The following RNF34 variants were observed in gnomAD, a reference collection of about 807,000 sequenced individuals.
RNF34 encodes E3 ubiquitin-protein ligase RNF34.
In RNF34, 12 loss-of-function variants were observed where a neutral mutation model predicts 37.9. The observed-to-expected ratio is 0.32, with a 90% CI of 0.20 to 0.51. The LOEUF is 0.51. Ranked by LOEUF, RNF34 falls within the 20% of genes least tolerant of loss-of-function variation. RNF34 has a pLI of 0.97. For missense variants in RNF34, 362 were observed against 472.7 expected (o/e 0.77, Z 2.17); for synonymous variants, 155 against 177.2 (o/e 0.87, Z 1.00).
chr12:121,402,113 T>A (rs1476844932), intron 1 of RNF34, among the ~76,000 whole-genome samples: 1 of 152,190 alleles, frequency 6.6e-6, no homozygotes, highest in Non-Finnish European at 1.5e-5. Flanking sequence ...AATACTTCTT[T>A]CTGTGGAATT....
At chr12:121,411,965 C>A (rs1203414199) in intron 1 of RNF34, among the ~76,000 whole-genome samples, 2 of 152,178 alleles carry the variant, frequency 1.3e-5, no homozygotes, top group East Asian at 3.8e-4. Flanking sequence ...ATGTAACGTG[C>A]AAACTAAATT....
chr12:121,416,433 AG>A, intron 2 of RNF34, 56 bp downstream of exon 2: 1 of 1,202,186 alleles, frequency 8.3e-7, no homozygotes, highest in Non-Finnish European at 1.2e-6. Context: ...TCTTGATTGT[AG>A]GTTATTTTGA....
At chr12:121,415,523 G>A (rs1216357934) in intron 1 of RNF34, among the ~76,000 whole-genome samples, 3 of 152,132 alleles carry the variant, frequency 2.0e-5, no homozygotes, top group Non-Finnish European at 2.9e-5. Context: ...GGCTGAGGCA[G>A]GAGAATCGCT....
chr12:121,403,570 G>GT, intron 1 of RNF34, among the ~76,000 whole-genome samples: 1 of 152,024 alleles, frequency 6.6e-6, no homozygotes, highest in Non-Finnish European at 1.5e-5. Context: ...TTTTCCTGTC[G>GT]TTTAACACAG....
chr12:121,402,623 A>G, intron 1 of RNF34: 1 of 566,504 alleles, frequency 1.8e-6, no homozygotes, highest in African/African-American at 1.9e-5. Context: ...ATTTTTCCTT[A>G]TTTATATTGA....
At chr12:121,407,058 G>C (rs1870612711) in intron 1 of RNF34, among the ~76,000 whole-genome samples, 1 of 152,022 alleles carries the variant, frequency 6.6e-6, no homozygotes, top group South Asian at 2.1e-4. Context: ...TTCACCCCTT[G>C]TTCCTTTCCT....
chr12:121,417,861 G>A lies in RNF34; in HGVS notation c.583G>A (p.Gly195Arg), dbSNP rs1555282526. The A allele has an allele frequency of 1.9e-6, 3 of 1,614,062 alleles. No homozygotes were observed. The highest frequency in any genetic ancestry group is 2.2e-5 in the East Asian group (1 of 44,886). Residue 195 changes from glycine to arginine, a missense_variant, in exon 3 of 6, where the codon GGA (glycine) becomes AGA (arginine). Gly to Arg is a moderately radical substitution (Grantham distance 125, BLOSUM62 -2). Coordinates refer to ENST00000361234, the MANE Select transcript of RNF34 (RefSeq NM_025126.4). The surrounding 1 kb of genome is among the most constrained non-coding windows in gnomAD (Gnocchi z 5.0). ...CTCTGCTACTATGTCTTCGTTTCAG[G>A]GAGAGCTTATGGATGGAGACCAAAC... ...APSATMSSFQ[G>R]ELMDGDQTSR...
chr12:121,420,313 A>G lies in RNF34; in HGVS notation c.705A>G (p.Glu235=). Reference sequence around the variant, plus strand: ...ACGATGATGAGGATGATGATGATGAAGAAGAAAACGCAGAGGATCGGGTGA... The same window carrying G: ...ACGATGATGAGGATGATGATGATGAGGAAGAAAACGCAGAGGATCGGGTGA... ...DDDDDEDDDD[E]EENAEDRNPG... The change falls in exon 4 of 6, where the codon GAA becomes GAG. Residue 235 remains glutamate, a synonymous_variant. Coordinates refer to ENST00000361234, the MANE Select transcript of RNF34 (RefSeq NM_025126.4). The G allele has an allele frequency of 1.9e-6, 3 of 1,576,884 alleles. No homozygotes were observed. The highest frequency in any genetic ancestry group is 2.6e-6 in the Non-Finnish European group (3 of 1,160,134).
rs1555283192 is a variant in RNF34 at position 121,420,679 on chromosome 12, G to T, written c.829G>T (p.Ala277Ser). 1 of 1,614,094 alleles carries T rather than the reference G, an allele frequency of 6.2e-7. No homozygotes were observed. Among genetic ancestry groups the T allele is most frequent in the Admixed American group, 1.7e-5 (1 of 60,020 alleles). The change falls in exon 5 of 6, where the codon GCT becomes TCT. Residue 277 changes from alanine to serine, a missense_variant. By Grantham distance (99) the Ala-to-Ser change is moderately conservative. Transcript: ENST00000361234. ...CGTGCGCCAGCTGAAGGAAATTCTG[G>T]CTCGGAATTTTGTCAACTATTCTGG... Reference protein sequence around the residue: ...MSVRQLKEILARNFVNYSGCC... With the variant: ...MSVRQLKEILSRNFVNYSGCC...
At position 121,402,043 on chromosome 12, in the gene RNF34, C is replaced by G. The variant is rs781818253; in HGVS notation, c.6+1825C>G. Among the ~76,000 whole-genome samples the G allele has an allele frequency of 2.0e-5, 3 of 152,118 alleles. No individual in the cohort carries two copies. The South Asian group carries it at 6.2e-4, about 31-fold the overall frequency. On this transcript the variant is annotated intron_variant, in intron 1 of 5. Transcript: ENST00000361234. ...TGTGGGTATGCTCATCTGTAGATTT[C>G]TGGGCAGAGACTGATTCCTGATGTC... is the stretch of plus-strand genomic sequence containing the variant.
chr12:121,421,467 T>TGCTTG (rs1310958520), intron 5 of RNF34, among the ~76,000 whole-genome samples: 1 of 149,562 alleles, frequency 6.7e-6, no homozygotes, highest in Non-Finnish European at 1.5e-5. Context: ...GGGGGAGGAT[T>TGCTTG]GCTTGAGCCT....
intron 1 of RNF34, among the ~76,000 whole-genome samples, chr12:121,401,153 A>G (rs2293463): frequency 0.19 from 28,968 of 151,924 alleles, 4,268 homozygotes; most frequent in African/African-American, 0.41. Context: ...GATTTACTAT[A>G]GAAGATTGAA....
chr12:121,423,682 A>G lies in RNF34; in HGVS notation c.*106A>G. On this transcript the variant is annotated 3_prime_UTR_variant, in exon 6 of 6. Transcript: ENST00000361234. This position sits in a 1 kb window ranked among gnomAD's most constrained non-coding sequence, Gnocchi z 4.3. ...GTTCAAAGGCTGAAGCTATTTTAAA[A>G]CATTATTTTGACTACTAAGTGGGGA... 1 of 990,660 alleles carries G rather than the reference A, an allele frequency of 1.0e-6. No individual in the cohort carries two copies. The highest frequency in any genetic ancestry group is 1.5e-6 in the Non-Finnish European group (1 of 672,464). The allele number at this position is 990,660 out of a possible 1,614,324, so 61.4% of individuals were successfully genotyped here.
At chr12:121,404,181 G>A (rs542442994) in intron 1 of RNF34, among the ~76,000 whole-genome samples, 4 of 143,066 alleles carry the variant, frequency 2.8e-5, no homozygotes, top group Non-Finnish European at 4.5e-5. Context: ...TTTTTTCTTC[G>A]TATTTAGTAG....
In RNF34 at chr12:121,420,268, C is replaced by T. The variant is rs1872001002; in HGVS notation, c.660C>T (p.Asn220=). The T allele has an allele frequency of 3.7e-6, 6 of 1,604,210 alleles. No individual in the cohort carries two copies. In the African/African-American group the frequency reaches 8.1e-5, roughly 22 times the overall value. The part of the protein sequence containing the change: ...AQVQSEITSA[N]TEDDDDDDDE... ...TACAAAGTGAAATCACTTCAGCAAA[C>T]ACAGAAGATGATGATGACGACGATG... The change falls in exon 4 of 6, where the codon AAC becomes AAT. Residue 220 remains asparagine, a synonymous_variant. Transcript: ENST00000361234.
chr12:121,417,892 G>A lies in RNF34; in HGVS notation c.614G>A (p.Arg205Lys). 6.2e-7 allele frequency: 1 copy of A among 1,613,954 alleles called. No individual in the cohort carries two copies. The highest frequency in any genetic ancestry group is 8.5e-7 in the Non-Finnish European group (1 of 1,179,964). Reference sequence around the variant, plus strand: ...CTTATGGATGGAGACCAAACATCCAGATCTGGAGTGCCGGCACAGGTACGA... The same window carrying A: ...CTTATGGATGGAGACCAAACATCCAAATCTGGAGTGCCGGCACAGGTACGA... ...GELMDGDQTSRSGVPAQVQSE... is the reference protein window; with the variant it reads ...GELMDGDQTSKSGVPAQVQSE... The change falls in exon 3 of 6, where the codon AGA (arginine) becomes AAA (lysine). Residue 205 changes from arginine (R) to lysine (K), a missense_variant. Arg to Lys is a conservative substitution (Grantham distance 26). Transcript: ENST00000361234. This position sits in a 1 kb window ranked among gnomAD's most constrained non-coding sequence, Gnocchi z 5.0.
At chr12:121,402,664 T>C in intron 1 of RNF34, 1 of 874,656 alleles carries the variant, frequency 1.1e-6, no homozygotes, top group Non-Finnish European at 1.8e-6. Flanking sequence ...ATCTGGGTTC[T>C]TCCAAGCTCA....
intron 1 of RNF34, among the ~76,000 whole-genome samples, chr12:121,415,613 T>TTAAA (rs1291205204): frequency 6.6e-6 from 1 of 152,064 alleles, no homozygotes; most frequent in Non-Finnish European, 1.5e-5. Context: ...GACCCTGTTT[T>TTAAA]TAAATAAATA....
intron 1 of RNF34, among the ~76,000 whole-genome samples, chr12:121,403,134 C>T (rs1037710111): frequency 6.6e-6 from 1 of 152,172 alleles, no homozygotes; most frequent in Admixed American, 6.5e-5. Context: ...CGGTGGCTCA[C>T]GCCTGTAGTC....
Sources: allele counts gnomAD v4.1 joint callset (sites outside exome capture counted in the v4.1 genomes callset), GRCh38; gene constraint gnomAD v4.1.1; non-coding constraint Gnocchi (gnomAD v3.1); transcripts MANE v1.5; gene names NCBI Gene and HGNC (gene_info 2026-07-23, HGNC 2026-07-21).